Variants in ATG7 observed in about 807,000 individuals in gnomAD.
ATG7 encodes the protein ubiquitin-like modifier-activating enzyme ATG7.
In ATG7, 70 loss-of-function variants were observed where a neutral mutation model predicts 82.4. The ratio of observed to expected loss-of-function variants is 0.85; its 90% CI spans 0.70 to 1.04. The LOEUF is 1.04. Ranked by LOEUF, ATG7 falls within the 50% of genes least tolerant of loss-of-function variation. ATG7 has a pLI of 0.00. For missense variants in ATG7, 792 were observed against 864.3 expected, an observed-to-expected ratio of 0.92 and a Z score of 1.05; for synonymous variants, 287 against 313.0, an observed-to-expected ratio of 0.92 and a Z score of 0.88.
Position 11,342,219 on chromosome 3 carries a change from T to C in ATG7, c.1065T>C (p.Ser355=). The C allele has an allele frequency of 6.2e-7, 1 of 1,613,714 alleles. No individual in the cohort carries two copies. The highest frequency in any genetic ancestry group is 8.5e-7 in the Non-Finnish European group (1 of 1,180,004). ...CTTTAGACTTGGACAAGGTTGTGTC[T>C]GTCAAATGTCTGCTGCTTGGAGCCG... ...VPTLDLDKVV[S]VKCLLLGAGT... Residue 355 remains serine (S), a synonymous_variant, in exon 13 of 21, where the codon TCT becomes TCC. Transcript: ENST00000693202.
intron 16 of ATG7, 117 bp downstream of exon 16, chr3:11,360,901 G>T (rs2076240684): frequency 6.8e-6 from 8 of 1,183,810 alleles, no homozygotes; most frequent in Non-Finnish European, 9.5e-6. Flanking sequence ...ACAAAGAGAA[G>T]AATTCTCCAA....
At chr3:11,344,341 T>C (rs1343062480) in intron 13 of ATG7, among the ~76,000 whole-genome samples, 1 of 152,188 alleles carries the variant, frequency 6.6e-6, no homozygotes, top group African/African-American at 2.4e-5. Flanking sequence ...TGAGAGTGCC[T>C]CTTGTTTTTA....
intron 20 of ATG7, among the ~76,000 whole-genome samples, chr3:11,474,160 T>C (rs2087858845): frequency 6.6e-6 from 1 of 152,232 alleles, no homozygotes; most frequent in Non-Finnish European, 1.5e-5. Flanking sequence ...TCATCCAGTG[T>C]CTTCTGAATG....
At chr3:11,304,326 G>A (rs553303104) in intron 5 of ATG7, among the ~76,000 whole-genome samples, 38 of 152,230 alleles carry the variant, frequency 2.5e-4, no homozygotes, top group African/African-American at 7.9e-4. Context: ...AATTACAAGC[G>A]GTCTAAGCGC....
intron 9 of ATG7, among the ~76,000 whole-genome samples, chr3:11,317,585 T>TTTTTTTC (rs1949618114): frequency 1.6e-4 from 1 of 6,232 alleles, no homozygotes; most frequent in African/African-American, 4.0e-4. Context: ...TCTTTCTTTC[T>TTTTTTTC]TTTTTTTTTT....
intron 20 of ATG7, among the ~76,000 whole-genome samples, chr3:11,446,102 C>T (rs1397549566): frequency 6.6e-6 from 1 of 151,428 alleles, no homozygotes. Context: ...GGTCAGAGTC[C>T]CACACCTCTG....
At chr3:11,424,206 C>T (rs2082174637) in intron 19 of ATG7, among the ~76,000 whole-genome samples, 1 of 152,176 alleles carries the variant, frequency 6.6e-6, no homozygotes, top group African/African-American at 2.4e-5. Flanking sequence ...ACCTCTTCAT[C>T]AGTGCTTTAG....
chr3:11,302,870 T>C (rs930439919), intron 5 of ATG7, among the ~76,000 whole-genome samples: 4 of 152,228 alleles, frequency 2.6e-5, no homozygotes, highest in African/African-American at 9.6e-5. Context: ...TTGTATTAGA[T>C]GAATTGTCAG....
chr3:11,465,289 T>A (rs377146155), intron 20 of ATG7, among the ~76,000 whole-genome samples: 12 of 151,598 alleles, frequency 7.9e-5, no homozygotes, highest in South Asian at 6.3e-4. Flanking sequence ...TACTAAAAAT[T>A]CAAAAATTAG....
chr3:11,286,042 C>T (rs114510538), intron 3 of ATG7, among the ~76,000 whole-genome samples: 177 of 152,292 alleles, frequency 1.2e-3, no homozygotes, highest in African/African-American at 3.8e-3. Context: ...TGTTTTTCAA[C>T]TTGGGTTTAT....
At chr3:11,280,554 G>A (rs1382260193) in intron 1 of ATG7, among the ~76,000 whole-genome samples, 1 of 152,066 alleles carries the variant, frequency 6.6e-6, no homozygotes, top group African/African-American at 2.4e-5. Flanking sequence ...TTAGATTTAG[G>A]GCCCTAGATT....
chr3:11,329,736 G>T (rs1401067377), intron 9 of ATG7, among the ~76,000 whole-genome samples: 2 of 152,200 alleles, frequency 1.3e-5, no homozygotes, highest in African/African-American at 4.8e-5. Flanking sequence ...CCCAGTTTCA[G>T]TTTTTTCTAA....
chr3:11,509,049 C>T (rs954850729), intron 20 of ATG7, among the ~76,000 whole-genome samples: 7 of 152,318 alleles, frequency 4.6e-5, no homozygotes, highest in African/African-American at 1.7e-4. Context: ...TAACAACCCC[C>T]TTGGGTTGTG....
intron 20 of ATG7, among the ~76,000 whole-genome samples, chr3:11,489,984 C>T (rs989830627): frequency 1.4e-3 from 216 of 152,030 alleles, no homozygotes; most frequent in South Asian, 2.5e-3. Flanking sequence ...CTGTAGATGT[C>T]TATTAGGTCC....
At chr3:11,379,277 C>T (rs940155623) in intron 18 of ATG7, among the ~76,000 whole-genome samples, 5 of 152,128 alleles carry the variant, frequency 3.3e-5, no homozygotes, top group Admixed American at 2.6e-4. Flanking sequence ...CAGCTTAAAG[C>T]TCCCCCTTTG....
chr3:11,564,216 T>C, the ATG7 span, among the ~76,000 whole-genome samples: 2 of 152,232 alleles, frequency 1.3e-5, no homozygotes, highest in Admixed American at 6.5e-5. Flanking sequence ...AAGCAAGCTG[T>C]GTTTATTAAG....
chr3:11,390,921 T>TA (rs946205356), intron 19 of ATG7, among the ~76,000 whole-genome samples: 9 of 152,192 alleles, frequency 5.9e-5, no homozygotes, highest in African/African-American at 2.2e-4. Context: ...TGCTACCCAC[T>TA]AACCATGTGA....
chr3:11,571,989 C>T, the ATG7 span, among the ~76,000 whole-genome samples: 3 of 152,178 alleles, frequency 2.0e-5, no homozygotes, highest in Non-Finnish European at 2.9e-5. Flanking sequence ...TACCTGCAGC[C>T]CCAGCTACTC....
intron 19 of ATG7, among the ~76,000 whole-genome samples, chr3:11,421,801 G>T (rs2081962795): frequency 6.6e-6 from 1 of 152,204 alleles, no homozygotes; most frequent in African/African-American, 2.4e-5. Context: ...AGACTTGGAA[G>T]TCAAAATTAC....
Sources: gnomAD v4.1 joint callset for allele counts (sites outside exome capture counted in the v4.1 genomes callset) on GRCh38, gnomAD v4.1.1 for gene constraint, MANE v1.5 for transcripts, NCBI Gene and HGNC (gene_info 2026-07-23, HGNC 2026-07-21) for gene names.